The following CCP110 variants were observed in gnomAD, a reference collection of about 807,000 sequenced individuals.
The protein encoded by CCP110 is centriolar coiled-coil protein of 110 kDa.
Under a neutral mutation model 105.5 loss-of-function variants are expected in CCP110, and 43 were observed. That is an observed-to-expected ratio of 0.41 (90% confidence interval 0.32 to 0.53). CCP110 has a LOEUF of 0.53. Among genes scored for constraint, CCP110 ranks in the 20% least tolerant of loss-of-function variants. CCP110 has a pLI of 0.32. For synonymous variants in CCP110, 353 were observed against 392.1 expected (o/e 0.90, Z 1.18); for missense variants, 1,016 against 1,189.1 (o/e 0.85, Z 2.14).
intron 11 of CCP110, 88 bp from the exon 12 acceptor site, chr16:19,546,324 T>C: frequency 1.3e-6 from 1 of 761,384 alleles, no homozygotes; most frequent in African/African-American, 1.8e-5. Flanking sequence ...TAAATGATGA[T>C]TTGTTTCTGT....
intron 6 of CCP110, 51 bp from the exon 7 acceptor site, chr16:19,542,570 G>C (rs187401317): frequency 8.7e-6 from 12 of 1,379,904 alleles, no homozygotes; most frequent in Admixed American, 3.5e-5. Context: ...GATGTTCTTC[G>C]TATTCTAATT....
chr16:19,528,854 C>T (rs898425573), intron 2 of CCP110, among the ~76,000 whole-genome samples: 2 of 152,020 alleles, frequency 1.3e-5, no homozygotes, highest in African/African-American at 2.4e-5. Context: ...GTCAGGATTG[C>T]ATCATTGCCT....
chr16:19,532,288 T>A, intron 2 of CCP110, 128 bp from the exon 3 acceptor site: 1 of 689,120 alleles, frequency 1.5e-6, no homozygotes, highest in East Asian at 3.0e-5. Flanking sequence ...CAGACCATTG[T>A]TCTGATTTCT....
chr16:19,535,860 CAATTTT>C, intron 3 of CCP110, 74 bp from the exon 4 acceptor site: 1 of 1,013,054 alleles, frequency 9.9e-7, no homozygotes, highest in Non-Finnish European at 1.4e-6. Flanking sequence ...TTTTCAATTT[CAATTTT>C]ATTTTAGAAA....
At position 19,548,354 on chromosome 16, in the gene CCP110, G is replaced by A; in HGVS notation, c.2901-161G>A. 1 of 590,460 alleles carries A rather than the reference G, an allele frequency of 1.7e-6. No homozygotes were observed. The highest frequency in any genetic ancestry group is 3.0e-6 in the Non-Finnish European group (1 of 338,086). 36.6% of individuals were successfully genotyped at this position (590,460 alleles called of 1,614,324 possible). A position where few individuals can be genotyped will look rare whatever the true frequency, so the allele number is the denominator to read the frequency against. On this transcript the variant is annotated intron_variant, in intron 13 of 14. Coordinates refer to ENST00000381396, the Ensembl canonical transcript of CCP110. This position sits in a 1 kb window ranked among gnomAD's most constrained non-coding sequence, Gnocchi z 4.1. ...CTCGTGCTTATAGTCTCCTGCTGAA[G>A]CCAGAGTTTAGCTTTCCTTACTGTG...
exon 1 of CCP110, chr16:19,523,981 A>G (rs920297375): frequency 1.1e-4 from 17 of 153,050 alleles, no homozygotes; most frequent in Non-Finnish European, 2.2e-4. Context: ...GGAGGAGGAG[A>G]AGGCGGCGGC....
intron 4 of CCP110, 132 bp from the exon 5 acceptor site, chr16:19,540,525 G>T (rs1181848038): frequency 1.4e-6 from 1 of 725,636 alleles, no homozygotes; most frequent in Admixed American, 2.8e-5. Context: ...TAGAGACCCA[G>T]CTATATCTTG....
exon 10 of CCP110, chr16:19,545,122 A>G: frequency 6.2e-7 from 1 of 1,611,378 alleles, no homozygotes; most frequent in Non-Finnish European, 8.5e-7. Context: ...GGTATTCATG[A>G]CATATTCTTT....
exon 7 of CCP110, chr16:19,542,629 A>T: frequency 6.2e-7 from 1 of 1,610,498 alleles, no homozygotes; most frequent in Non-Finnish European, 8.5e-7. Context: ...AGGTTTCACA[A>T]ATTCTGCCAT....
intron 3 of CCP110, among the ~76,000 whole-genome samples, chr16:19,534,605 T>A (rs1216434243): frequency 6.6e-6 from 1 of 152,096 alleles, no homozygotes; most frequent in African/African-American, 2.4e-5. Context: ...TGCATCCTTT[T>A]TGTTTTATTT....
At chr16:19,528,913 C>G (rs780248676) in intron 2 of CCP110, among the ~76,000 whole-genome samples, 3 of 152,062 alleles carry the variant, frequency 2.0e-5, no homozygotes, top group Non-Finnish European at 4.4e-5. Context: ...AAACTCCAGC[C>G]TGGGCTAACA....
At chr16:19,524,972 T>A (rs1022112365) in intron 1 of CCP110, 6 of 152,220 alleles carry the variant, frequency 3.9e-5, no homozygotes, top group African/African-American at 1.4e-4. Flanking sequence ...ACAACATTCC[T>A]TTGAGACGGA....
At chr16:19,525,990 A>G (rs970082910) in intron 1 of CCP110, 4 of 152,644 alleles carry the variant, frequency 2.6e-5, no homozygotes, top group Non-Finnish European at 4.4e-5. Context: ...GAAGAATAAG[A>G]AGGATCCAGT....
chr16:19,544,277 C>T (rs2151480322), intron 8 of CCP110, among the ~76,000 whole-genome samples: 1 of 152,284 alleles, frequency 6.6e-6, no homozygotes, highest in South Asian at 2.1e-4. Context: ...TTATGAATAA[C>T]ATGTAAATGA....
At chr16:19,543,120 A>C (rs772446127) in intron 8 of CCP110, 126 bp downstream of exon 8, 15 of 610,460 alleles carry the variant, frequency 2.5e-5, no homozygotes, top group Non-Finnish European at 4.1e-5. Context: ...AGGCAGTTTT[A>C]GAAGTCTGAT....
intron 2 of CCP110, among the ~76,000 whole-genome samples, chr16:19,529,886 G>A (rs1053802777): frequency 7.2e-5 from 11 of 151,956 alleles, no homozygotes; most frequent in South Asian, 2.1e-4. Context: ...GCTACTGTAC[G>A]TCTTAAAAAC....
rs766953464 is a variant in CCP110, at chr16:19,540,681, A to G, written c.1943A>G (p.Lys648Arg). Residue 648 changes from lysine (K) to arginine (R), a missense_variant, in exon 5 of 15, where the codon AAG becomes AGG. Physicochemically the swap from Lys to Arg is conservative, Grantham distance 26. Coordinates refer to ENST00000381396, the Ensembl canonical transcript of CCP110. Reference sequence around the variant, plus strand: ...GAAAGCGAGGAGTTACTAAAAAGCAAGATGTTAGCTTTTGAAGAAATGCGG... The same window carrying G: ...GAAAGCGAGGAGTTACTAAAAAGCAGGATGTTAGCTTTTGAAGAAATGCGG... 6 of 1,613,408 alleles carry G rather than the reference A, an allele frequency of 3.7e-6. No individual in the cohort carries two copies. In the Admixed American group the frequency reaches 6.7e-5, roughly 18 times the overall value.
chr16:19,548,008 G>A lies in CCP110; in HGVS notation c.2894G>A (p.Arg965Lys). ...GCACCTGTTCATAGGCTACTTAGTA[G>A]ACAAGGGTAAGAATGCCACACACGG... The change falls in exon 13 of 15, where the codon AGA becomes AAA. Residue 965 changes from arginine (R) to lysine (K), a missense_variant. Transcript: ENST00000381396. This position sits in a 1 kb window ranked among gnomAD's most constrained non-coding sequence, Gnocchi z 4.1. The A allele has an allele frequency of 6.2e-7, 1 of 1,608,906 alleles. No homozygotes were observed. Among genetic ancestry groups the A allele is most frequent in the Non-Finnish European group, 8.5e-7 (1 of 1,175,412 alleles).
At chr16:19,536,550 G>A (rs1206449027) in exon 4 of CCP110, 1 of 1,614,130 alleles carries the variant, frequency 6.2e-7, no homozygotes, top group East Asian at 2.2e-5. Flanking sequence ...GACAAACCAA[G>A]CCTTAATAAA....
Sources: allele counts gnomAD v4.1 joint callset (sites outside exome capture counted in the v4.1 genomes callset), GRCh38; gene constraint gnomAD v4.1.1; non-coding constraint Gnocchi (gnomAD v3.1); transcripts MANE v1.5; gene names NCBI Gene and HGNC (gene_info 2026-07-23, HGNC 2026-07-21).